The following PALS2 variants were observed in gnomAD, a reference collection of about 807,000 sequenced individuals.
PALS2 encodes protein PALS2.
A neutral mutation model predicts 61.6 loss-of-function variants in PALS2; 27 were observed. The observed-to-expected ratio is 0.44, with a 90% CI of 0.32 to 0.60. The LOEUF is 0.60. Among genes scored for constraint, PALS2 ranks in the 20% least tolerant of loss-of-function variants. PALS2 has a pLI of 0.05. For synonymous variants in PALS2, 236 were observed against 218.6 expected (o/e 1.08, Z -0.70); for missense variants, 554 against 639.4 (o/e 0.87, Z 1.44).
chr7:24,679,853 C>G (rs1298899661), intron 10 of PALS2, among the ~76,000 whole-genome samples: 1 of 152,136 alleles, frequency 6.6e-6, no homozygotes, highest in East Asian at 1.9e-4. Flanking sequence ...AGTCATTTCA[C>G]TATGCCTTAA....
intron 1 of PALS2, among the ~76,000 whole-genome samples, chr7:24,575,816 C>T (rs928715387): frequency 6.6e-6 from 1 of 152,088 alleles, no homozygotes; most frequent in South Asian, 2.1e-4. Flanking sequence ...GGTAAGAGGA[C>T]GCATTTATAC....
intron 1 of PALS2, among the ~76,000 whole-genome samples, chr7:24,581,804 G>C (rs536000701): frequency 1.3e-5 from 2 of 152,134 alleles, no homozygotes; most frequent in Non-Finnish European, 2.9e-5. Flanking sequence ...AAAAAATTTT[G>C]ATGCCTCTAT....
chr7:24,670,064 C>A (rs1358807310), intron 9 of PALS2, among the ~76,000 whole-genome samples: 2 of 152,076 alleles, frequency 1.3e-5, no homozygotes, highest in African/African-American at 2.4e-5. Flanking sequence ...TGGTTGTGTT[C>A]CATATTTCTT....
At chr7:24,677,747 A>T (rs1787695389) in intron 9 of PALS2, among the ~76,000 whole-genome samples, 1 of 152,206 alleles carries the variant, frequency 6.6e-6, no homozygotes, top group Admixed American at 6.5e-5. Context: ...AGTTTTAAAT[A>T]TGAAAAGCCA....
intron 11 of PALS2, among the ~76,000 whole-genome samples, chr7:24,681,408 C>T (rs190537686): frequency 1.2e-3 from 179 of 152,052 alleles, no homozygotes; most frequent in Non-Finnish European, 1.7e-3. Context: ...TCTGTAAATA[C>T]TTCAGTATTT....
At chr7:24,630,908 C>G (rs1408159683) in intron 2 of PALS2, among the ~76,000 whole-genome samples, 1 of 152,174 alleles carries the variant, frequency 6.6e-6, no homozygotes, top group Admixed American at 6.5e-5. Context: ...CAAAATACTA[C>G]TGGTTATTGA....
intron 1 of PALS2, among the ~76,000 whole-genome samples, chr7:24,587,926 T>G (rs1783135531): frequency 6.6e-6 from 1 of 152,200 alleles, no homozygotes; most frequent in South Asian, 2.1e-4. Flanking sequence ...TTTGATCTAT[T>G]TGTTATTTAG....
At chr7:24,645,175 C>T (rs1416534462) in intron 3 of PALS2, among the ~76,000 whole-genome samples, 1 of 152,100 alleles carries the variant, frequency 6.6e-6, no homozygotes, top group Non-Finnish European at 1.5e-5. Context: ...GTTGTGATTG[C>T]TTTTGATGTC....
chr7:24,596,373 A>G lies in PALS2; in HGVS notation c.-3+22780A>G, dbSNP rs1312107026. ...ATTGGATCTGTTATGAATTCTAGGT[A>G]TTTTTGTAAGTATATATATAAAGTA... On this transcript the variant is annotated intron_variant, in intron 1 of 11. Coordinates refer to ENST00000222644, the MANE Select transcript of PALS2 (RefSeq NM_001303037.2). The surrounding 1 kb of genome is among the most constrained non-coding windows in gnomAD (Gnocchi z 4.5). Among the ~76,000 whole-genome samples the G allele has an allele frequency of 6.6e-6, 1 of 152,088 alleles. No individual in the cohort carries two copies. The highest frequency in any genetic ancestry group is 2.4e-5 in the African/African-American group (1 of 41,406).
chr7:24,683,870 A>T (rs1290795202), intron 11 of PALS2, among the ~76,000 whole-genome samples: 1 of 152,204 alleles, frequency 6.6e-6, no homozygotes, highest in African/African-American at 2.4e-5. Context: ...ATTTTATCTT[A>T]TATGTCTAAT....
chr7:24,638,273 C>T (rs191603427), intron 2 of PALS2, among the ~76,000 whole-genome samples: 2 of 149,152 alleles, frequency 1.3e-5, no homozygotes, highest in Non-Finnish European at 3.0e-5. Flanking sequence ...ATATTTATAG[C>T]TACAGTTTCT....
rs1788272337 is a variant in PALS2, at chr7:24,687,587, G to A, written c.1596G>A (p.Gln532=). 4 of 1,611,062 alleles carry A rather than the reference G, an allele frequency of 2.5e-6. No individual in the cohort carries two copies. In the African/African-American group the frequency reaches 5.3e-5, roughly 22 times the overall value. Reference sequence around the variant, plus strand: ...TAGAGAAACTGAGAATGGAACCACAGTGGGTCCCAATCAGCTGGGTTTACT... The same window carrying A: ...TAGAGAAACTGAGAATGGAACCACAATGGGTCCCAATCAGCTGGGTTTACT... ...TAIEKLRMEP[Q]WVPISWVY is the part of the protein sequence containing the mutation. Residue 532 remains glutamine (Q), a synonymous_variant, in exon 12 of 12, where the codon CAG becomes CAA. Transcript: ENST00000222644. The surrounding 1 kb of genome is among the most constrained non-coding windows in gnomAD (Gnocchi z 4.5).
intron 9 of PALS2, among the ~76,000 whole-genome samples, chr7:24,673,675 C>T (rs915158765): frequency 6.6e-6 from 1 of 151,798 alleles, no homozygotes; most frequent in African/African-American, 2.4e-5. Flanking sequence ...AAATTTCGGT[C>T]TTCCCTCTTT....
rs770997403 is a variant in PALS2, at chr7:24,590,962, T to TTC, written c.-3+17371_-3+17372dup. On this transcript the variant is annotated intron_variant, in intron 1 of 11. Coordinates refer to ENST00000222644, the MANE Select transcript of PALS2 (RefSeq NM_001303037.2). ...CCTTCTTTGCCAAACCAGCAAGCCT[T>TTC]TCTTATCTGTTTTCTAACTTCTAAG... is the stretch of plus-strand genomic sequence containing the variant. Among the ~76,000 whole-genome samples the TTC allele has an allele frequency of 2.6e-4, 39 of 152,208 alleles. No homozygotes were observed. In the Middle Eastern group the frequency reaches 0.014, roughly 53 times the overall value.
chr7:24,636,137 G>A (rs901156687), intron 2 of PALS2, among the ~76,000 whole-genome samples: 4 of 151,238 alleles, frequency 2.6e-5, no homozygotes, highest in Non-Finnish European at 1.5e-5. Context: ...GCTTGAACCC[G>A]GGAGGTGGAG....
chr7:24,656,420 A>G (rs572866752), intron 5 of PALS2, among the ~76,000 whole-genome samples: 10 of 152,370 alleles, frequency 6.6e-5, no homozygotes, highest in African/African-American at 2.4e-4. Context: ...TTATATAAAT[A>G]ACATAAAGTG....
intron 1 of PALS2, among the ~76,000 whole-genome samples, chr7:24,621,345 T>G (rs1464959926): frequency 6.6e-6 from 1 of 152,016 alleles, no homozygotes; most frequent in African/African-American, 2.4e-5. Context: ...AGGAAATAGG[T>G]CTGATAGAGT....
intron 1 of PALS2, among the ~76,000 whole-genome samples, chr7:24,584,128 G>C (rs1782961055): frequency 6.7e-6 from 1 of 150,008 alleles, no homozygotes; most frequent in Admixed American, 6.7e-5. Flanking sequence ...ACATACGTGT[G>C]CATGTGTCTT....
rs1258101179 is a variant in PALS2 at position 24,692,376 on chromosome 7, G to C, written c.*4762G>C. 6.6e-6 allele frequency: 1 copy of C among 152,134 alleles called. No homozygotes were observed. Among genetic ancestry groups the C allele is most frequent in the Admixed American group, 6.5e-5 (1 of 15,272 alleles). 9.4% of individuals were successfully genotyped at this position (152,134 alleles called of 1,614,324 possible). ...TCCCTTTATCATTACTATTCTACTT[G>C]TTAAGTAAGGCTAAGTTAATATTTG... On this transcript the variant is annotated 3_prime_UTR_variant, in exon 12 of 12. Coordinates refer to ENST00000222644, the MANE Select transcript of PALS2 (RefSeq NM_001303037.2).
Sources: gnomAD v4.1 joint callset for allele counts (sites outside exome capture counted in the v4.1 genomes callset) on GRCh38, gnomAD v4.1.1 for gene constraint, Gnocchi (gnomAD v3.1) non-coding constraint, MANE v1.5 for transcripts, NCBI Gene and HGNC (gene_info 2026-07-23, HGNC 2026-07-21) for gene names.